Variants in AOPEP observed in about 807,000 individuals in gnomAD.
The protein encoded by AOPEP is aminopeptidase O (putative).
In AOPEP, 77 loss-of-function variants were observed where a neutral mutation model predicts 98.1. The observed-to-expected ratio is 0.78, with a 90% confidence interval of 0.65 to 0.95. The LOEUF is 0.95. Ranked by LOEUF, AOPEP falls within the 40% of genes least tolerant of loss-of-function variation. The probability of loss-of-function intolerance (pLI) is 0.00; values close to 1 mark genes in which losing one functional copy is unlikely to be tolerated. For missense variants in AOPEP, 1,024 were observed against 1,024.7 expected (o/e 1.00, Z 0.01); for synonymous variants, 346 against 365.3 (o/e 0.95, Z 0.60).
At chr9:95,023,529 G>A (rs1023576273) in intron 13 of AOPEP, among the ~76,000 whole-genome samples, 1 of 152,230 alleles carries the variant, frequency 6.6e-6, no homozygotes, top group Non-Finnish European at 1.5e-5. Flanking sequence ...TCCAAAGGGA[G>A]TTTTAGTTGA....
intron 13 of AOPEP, among the ~76,000 whole-genome samples, chr9:95,052,342 G>A (rs901708475): frequency 6.6e-6 from 1 of 152,136 alleles, no homozygotes; most frequent in African/African-American, 2.4e-5. Flanking sequence ...TTAAAATATA[G>A]TTTTCTTTGA....
chr9:95,103,552 C>G, the AOPEP span, among the ~76,000 whole-genome samples: 1 of 152,190 alleles, frequency 6.6e-6, no homozygotes, highest in Non-Finnish European at 1.5e-5. Context: ...CTGTGCCGGC[C>G]TCCTGCAGGC....
chr9:94,991,276 A>C (rs982056846), intron 11 of AOPEP, among the ~76,000 whole-genome samples: 1 of 152,216 alleles, frequency 6.6e-6, no homozygotes, highest in Non-Finnish European at 1.5e-5. Context: ...GGTACCAAAT[A>C]GGTATACATT....
At chr9:94,826,432 C>T (rs1354298342) in intron 5 of AOPEP, among the ~76,000 whole-genome samples, 1 of 152,188 alleles carries the variant, frequency 6.6e-6, no homozygotes, top group Non-Finnish European at 1.5e-5. Flanking sequence ...AGAGCCTCTT[C>T]GTTCCCTTTT....
the AOPEP span, chr9:95,135,261 C>T: frequency 3.8e-6 from 5 of 1,300,346 alleles, no homozygotes; most frequent in Admixed American, 3.4e-5. Context: ...TTGTTTACAT[C>T]CCCCCCTTTC....
intron 13 of AOPEP, among the ~76,000 whole-genome samples, chr9:95,028,573 A>G (rs2064033678): frequency 6.6e-6 from 1 of 152,228 alleles, no homozygotes; most frequent in South Asian, 2.1e-4. Flanking sequence ...AAATCTGGGA[A>G]GATTGTATTT....
intron 13 of AOPEP, among the ~76,000 whole-genome samples, chr9:95,052,305 TA>T (rs2066448730): frequency 6.6e-6 from 1 of 152,204 alleles, no homozygotes; most frequent in Non-Finnish European, 1.5e-5. Context: ...GACACAGCCT[TA>T]AAAATGTATA....
At chr9:94,763,017 A>G in intron 2 of AOPEP, 1 of 343,668 alleles carries the variant, frequency 2.9e-6, no homozygotes, top group Non-Finnish European at 6.1e-6. Context: ...TACATTTATT[A>G]AAACTAAAAT....
At chr9:94,843,698 C>G (rs1349645167) in intron 5 of AOPEP, among the ~76,000 whole-genome samples, 1 of 152,182 alleles carries the variant, frequency 6.6e-6, no homozygotes, top group African/African-American at 2.4e-5. Flanking sequence ...CGCTTTTTAT[C>G]TCATCTATTA....
At chr9:94,787,419 C>T (rs370741950) in intron 3 of AOPEP, among the ~76,000 whole-genome samples, 1 of 152,192 alleles carries the variant, frequency 6.6e-6, no homozygotes, top group East Asian at 1.9e-4. Flanking sequence ...AGTGTTTTCT[C>T]TTGGAAGTAA....
chr9:95,031,193 A>G (rs563597414), intron 13 of AOPEP, among the ~76,000 whole-genome samples: 16 of 152,318 alleles, frequency 1.1e-4, no homozygotes, highest in Non-Finnish European at 1.9e-4. Flanking sequence ...TTAAATATAA[A>G]TATGCGTGGC....
At chr9:94,931,815 A>AAGC in intron 7 of AOPEP, 5 of 1,544,354 alleles carry the variant, frequency 3.2e-6, no homozygotes, top group Non-Finnish European at 4.4e-6. Context: ...TTTCTTCTTA[A>AAGC]AGCACTTTCT....
intron 9 of AOPEP, among the ~76,000 whole-genome samples, chr9:94,964,918 C>T (rs982435710): frequency 6.6e-6 from 1 of 151,966 alleles, no homozygotes; most frequent in African/African-American, 2.4e-5. Flanking sequence ...GGATTACAGG[C>T]GTGAGACACC....
chr9:94,936,270 G>T (rs1007022830), intron 7 of AOPEP, among the ~76,000 whole-genome samples: 4 of 152,250 alleles, frequency 2.6e-5, no homozygotes, highest in African/African-American at 9.6e-5. Context: ...AGTGTGGCAT[G>T]CAAGTCCCTG....
At chr9:94,751,200 A>G (rs1429980761) in intron 1 of AOPEP, among the ~76,000 whole-genome samples, 1 of 152,134 alleles carries the variant, frequency 6.6e-6, no homozygotes, top group East Asian at 1.9e-4. Flanking sequence ...TTGGCGCCTT[A>G]CAGTTCTTGT....
intron 11 of AOPEP, among the ~76,000 whole-genome samples, chr9:94,982,633 A>G: frequency 7.0e-6 from 1 of 142,316 alleles, no homozygotes; most frequent in South Asian, 2.2e-4. Context: ...CAGTGGTATG[A>G]TCATGGCTCA....
At chr9:95,074,775 C>T (rs1406194712) in intron 14 of AOPEP, among the ~76,000 whole-genome samples, 1 of 152,232 alleles carries the variant, frequency 6.6e-6, no homozygotes, top group Non-Finnish European at 1.5e-5. Context: ...TGAGCTCTCG[C>T]CCACTTCCGG....
chr9:94,799,134 G>T (rs1847665844), intron 4 of AOPEP, among the ~76,000 whole-genome samples: 1 of 150,656 alleles, frequency 6.6e-6, no homozygotes, highest in African/African-American at 2.5e-5. Flanking sequence ...TCTCCTGAGC[G>T]CTGGCCTTGG....
intron 9 of AOPEP, among the ~76,000 whole-genome samples, chr9:94,958,309 T>C (rs1007976381): frequency 1.3e-5 from 2 of 152,246 alleles, no homozygotes; most frequent in African/African-American, 4.8e-5. Flanking sequence ...ATTTGCATTT[T>C]TTTCATCTTT....
Sources: gnomAD v4.1 joint callset for allele counts (sites outside exome capture counted in the v4.1 genomes callset) on GRCh38, gnomAD v4.1.1 for gene constraint, MANE v1.5 for transcripts, NCBI Gene and HGNC (gene_info 2026-07-23, HGNC 2026-07-21) for gene names.